Variants in SCNN1G observed in about 807,000 individuals in gnomAD.
The protein encoded by SCNN1G is epithelial sodium channel subunit gamma.
SCNN1G carries 27 observed loss-of-function variants against 64.6 expected under a neutral mutation model. The observed-to-expected ratio is 0.42, with a 90% CI of 0.31 to 0.58. The LOEUF (loss-of-function observed/expected upper bound fraction) is 0.58, where lower values mean the gene tolerates loss of function less well. Among genes scored for constraint, SCNN1G ranks in the 20% least tolerant of loss-of-function variants. SCNN1G has a pLI of 0.18. For synonymous variants in SCNN1G, 330 were observed against 314.2 expected (o/e 1.05, Z -0.53); for missense variants, 743 against 823.4 (o/e 0.90, Z 1.19).
At chr16:23,189,780 AC>A in intron 3 of SCNN1G, 109 bp downstream of exon 3, 1 of 1,086,954 alleles carries the variant, frequency 9.2e-7, no homozygotes. Context: ...GAAGAAATAC[AC>A]CCAGCTGGGG....
chr16:23,185,031 G>A (rs1959583250), intron 1 of SCNN1G, among the ~76,000 whole-genome samples: 1 of 152,128 alleles, frequency 6.6e-6, no homozygotes, highest in Admixed American at 6.5e-5. Flanking sequence ...CCTACCTTTA[G>A]TTCTTGGTAT....
intron 6 of SCNN1G, among the ~76,000 whole-genome samples, chr16:23,204,408 G>A (rs1312022504): frequency 1.4e-5 from 2 of 139,764 alleles, no homozygotes; most frequent in Admixed American, 1.5e-4. Flanking sequence ...AAGAGGTGAA[G>A]AGAAGGAAAA....
chr16:23,190,214 T>C (rs1224845904), intron 3 of SCNN1G, among the ~76,000 whole-genome samples: 1 of 152,002 alleles, frequency 6.6e-6, no homozygotes, highest in East Asian at 1.9e-4. Context: ...CAAACCTGCA[T>C]GTTCTGCACA....
chr16:23,189,641 C>G lies in SCNN1G; in HGVS notation c.588C>G (p.Ile196Met), dbSNP rs372209300. The G allele has an allele frequency of 6.2e-7, 1 of 1,614,208 alleles. No homozygotes were observed. The highest frequency in any genetic ancestry group is 8.5e-7 in the Non-Finnish European group (1 of 1,180,034). Residue 196 changes from isoleucine (I) to methionine (M), a missense_variant, in exon 3 of 13, where the codon ATC becomes ATG. Transcript: ENST00000300061. ...IIHKASNVMH[I>M]ESKQVVGFQL... ...ACAAGGCTTCAAATGTCATGCACAT[C>G]GAGTCCAAGCAAGTGGTGGGATTCC...
chr16:23,204,197 T>G (rs1476952109), intron 6 of SCNN1G, among the ~76,000 whole-genome samples: 1 of 148,846 alleles, frequency 6.7e-6, no homozygotes, highest in Non-Finnish European at 1.5e-5. Flanking sequence ...GAGGATCACT[T>G]GAACCCAAGA....
chr16:23,200,023 C>T (rs1035214442), intron 6 of SCNN1G, among the ~76,000 whole-genome samples: 2 of 152,106 alleles, frequency 1.3e-5, no homozygotes, highest in Non-Finnish European at 2.9e-5. Context: ...GAAACAAAAT[C>T]TCCTTGTGGA....
In SCNN1G at chr16:23,209,830, C is replaced by G; in HGVS notation, c.1158C>G (p.Asn386Lys). Residue 386 changes from asparagine (N) to lysine (K), a missense_variant, in exon 7 of 13, where the codon AAC becomes AAG. Transcript: ENST00000300061. The stretch of plus-strand genomic sequence containing the variant: ...ACGTGCCAATCAGGAACATCTACAA[C>G]GCTGCCTACTCGCTCCAGGTAACAG... ...GSDVPIRNIYNAAYSLQICLH... is the reference protein window; with the variant it reads ...GSDVPIRNIYKAAYSLQICLH... The G allele has an allele frequency of 6.2e-7, 1 of 1,613,426 alleles. No homozygotes were observed. The highest frequency in any genetic ancestry group is 8.5e-7 in the Non-Finnish European group (1 of 1,179,324).
In SCNN1G at chr16:23,209,792, G is replaced by C; in HGVS notation, c.1120G>C (p.Glu374Gln). Residue 374 changes from glutamate (E) to glutamine (Q), a missense_variant, in exon 7 of 13, where the codon GAG becomes CAG. Glu to Gln is a conservative substitution (Grantham distance 29, BLOSUM62 2). Coordinates refer to ENST00000300061, the MANE Select transcript of SCNN1G (RefSeq NM_001039.4). ...GAGTGAGCCCTACAGTCAGTGCACG[G>C]AGGACGGGAGTGACGTGCCAATCAG... Reference protein sequence around the residue: ...KLSEPYSQCTEDGSDVPIRNI... With the variant: ...KLSEPYSQCTQDGSDVPIRNI... 6.2e-7 allele frequency: 1 copy of C among 1,614,124 alleles called. No individual in the cohort carries two copies. The highest frequency in any genetic ancestry group is 8.5e-7 in the Non-Finnish European group (1 of 1,179,976).
Position 23,215,085 on chromosome 16 carries a change from G to A in SCNN1G, c.1570-4G>A, listed in dbSNP as rs1238043744. ...TTGATGGTGTGGCTTGGCCTGTCTT[G>A]CAGATTGAGATGCTTCTGTCCAACT... On this transcript the variant is annotated splice_polypyrimidine_tract_variant and splice_region_variant and intron_variant, in intron 12 of 12. Transcript: ENST00000300061. 2 of 1,613,840 alleles carry A rather than the reference G, an allele frequency of 1.2e-6. No individual in the cohort carries two copies. The highest frequency in any genetic ancestry group is 1.3e-5 in the African/African-American group (1 of 74,912).
chr16:23,190,098 C>T (rs756188935), intron 3 of SCNN1G, among the ~76,000 whole-genome samples: 9 of 151,024 alleles, frequency 6.0e-5, no homozygotes, highest in Non-Finnish European at 1.2e-4. Context: ...GGGGGGCAAA[C>T]GGAGGGAGAG....
intron 11 of SCNN1G, among the ~76,000 whole-genome samples, chr16:23,214,398 G>T (rs775024820): frequency 6.6e-6 from 1 of 152,182 alleles, no homozygotes; most frequent in African/African-American, 2.4e-5. Flanking sequence ...ACATACTTGA[G>T]ATTGCAATCA....
chr16:23,204,826 C>G (rs921876800), intron 6 of SCNN1G, among the ~76,000 whole-genome samples: 4 of 151,986 alleles, frequency 2.6e-5, no homozygotes, highest in African/African-American at 9.7e-5. Flanking sequence ...GAATTTTTTT[C>G]ACCGGGTACA....
intron 8 of SCNN1G, 75 bp from the exon 9 acceptor site, chr16:23,212,603 C>A (rs997425295): frequency 3.3e-5 from 37 of 1,130,830 alleles, no homozygotes; most frequent in Non-Finnish European, 4.9e-5. Context: ...GCGGGGCTGT[C>A]CTTGGTGACC....
At chr16:23,207,233 A>G (rs1960005166) in intron 6 of SCNN1G, among the ~76,000 whole-genome samples, 2 of 152,102 alleles carry the variant, frequency 1.3e-5, no homozygotes, top group Admixed American at 6.5e-5. Context: ...TGCTGGCTGC[A>G]CTCGGCTTGC....
chr16:23,213,914 G>T (rs1410755195), intron 11 of SCNN1G, among the ~76,000 whole-genome samples: 1 of 152,188 alleles, frequency 6.6e-6, no homozygotes, highest in Non-Finnish European at 1.5e-5. Flanking sequence ...CCCAAATCTA[G>T]CCTCATGAAA....
intron 6 of SCNN1G, among the ~76,000 whole-genome samples, chr16:23,205,111 T>C (rs1959968696): frequency 6.6e-6 from 1 of 152,138 alleles, no homozygotes; most frequent in East Asian, 1.9e-4. Context: ...TCATGCCTGG[T>C]CTATTGTTGT....
chr16:23,183,040 CCACT>C (rs946779829), intron 1 of SCNN1G, among the ~76,000 whole-genome samples: 35 of 152,338 alleles, frequency 2.3e-4, no homozygotes, highest in Middle Eastern at 3.4e-3. Flanking sequence ...CAGTCGAGAG[CCACT>C]CAGAGTCCGG....
chr16:23,188,181 G>A (rs1311246892), intron 2 of SCNN1G, among the ~76,000 whole-genome samples: 2 of 152,162 alleles, frequency 1.3e-5, no homozygotes, highest in Non-Finnish European at 1.5e-5. Context: ...TACTGTAGTG[G>A]AGGAATAAAG....
At chr16:23,186,101 A>G in intron 1 of SCNN1G, 127 bp from the exon 2 acceptor site, 2 of 681,990 alleles carry the variant, frequency 2.9e-6, no homozygotes, top group Non-Finnish European at 5.3e-6. Flanking sequence ...TGCCTAAGCC[A>G]CAGAGGAACA....
Sources: allele counts gnomAD v4.1 joint callset (sites outside exome capture counted in the v4.1 genomes callset), GRCh38; gene constraint gnomAD v4.1.1; transcripts MANE v1.5; gene names NCBI Gene and HGNC (gene_info 2026-07-23, HGNC 2026-07-21).